Variants in CAMK1D observed in about 807,000 individuals in gnomAD.
The protein encoded by CAMK1D is calcium/calmodulin-dependent protein kinase type 1D.
In CAMK1D, 9 loss-of-function variants were observed where a neutral mutation model predicts 47.7. The observed-to-expected ratio is 0.19, with a 90% CI of 0.11 to 0.33. The LOEUF is 0.33. Among genes scored for constraint, CAMK1D ranks in the 10% least tolerant of loss-of-function variants. The pLI, the probability that CAMK1D is intolerant of heterozygous loss-of-function variation, is 1.00. For missense variants in CAMK1D, 291 were observed against 488.7 expected (o/e 0.60, Z 3.81); for synonymous variants, 184 against 184.9 (o/e 0.99, Z 0.04).
intron 1 of CAMK1D, among the ~76,000 whole-genome samples, chr10:12,437,134 CGACT>C (rs1832656400): frequency 1.9e-5 from 1 of 53,478 alleles, no homozygotes; most frequent in African/African-American, 4.4e-5. Flanking sequence ...TTAAACAGAC[CGACT>C]ATCTATCTAT....
intron 1 of CAMK1D, among the ~76,000 whole-genome samples, chr10:12,390,325 G>A (rs1416076738): frequency 1.3e-5 from 2 of 152,102 alleles, no homozygotes; most frequent in African/African-American, 4.8e-5. Context: ...TCCTGTCTCA[G>A]CTTCCTAATT....
rs530257344 is a variant in CAMK1D, at chr10:12,488,500, A to G, written c.93-64725A>G. On this transcript the variant is annotated intron_variant, in intron 1 of 10. Coordinates refer to ENST00000619168, the MANE Select transcript of CAMK1D (RefSeq NM_153498.4). ...TTGGCACCAGGGACTGGTTTCATGG[A>G]AGACAAATGTTTCCGTGGACTGGGA... Among the ~76,000 whole-genome samples, 5 of 152,260 alleles carry G rather than the reference A, an allele frequency of 3.3e-5. No homozygotes were observed. In the South Asian group the frequency reaches 1.0e-3, roughly 32 times the overall value.
intron 2 of CAMK1D, among the ~76,000 whole-genome samples, chr10:12,616,061 G>A (rs776229144): frequency 2.6e-5 from 4 of 151,264 alleles, no homozygotes; most frequent in Non-Finnish European, 5.9e-5. Flanking sequence ...GTTGGTTTAT[G>A]ATAGGCGTGT....
intron 3 of CAMK1D, among the ~76,000 whole-genome samples, chr10:12,705,396 G>A (rs1321996238): frequency 6.6e-6 from 1 of 152,100 alleles, no homozygotes; most frequent in African/African-American, 2.4e-5. Flanking sequence ...GGGGGTCAGA[G>A]GTTGCAGTGA....
At chr10:12,563,354 T>TA (rs34112268) in intron 2 of CAMK1D, among the ~76,000 whole-genome samples, 3 of 151,580 alleles carry the variant, frequency 2.0e-5, no homozygotes, top group Non-Finnish European at 3.0e-5. Context: ...ACTCTGTCTC[T>TA]AAAAAAAAAG....
intron 3 of CAMK1D, among the ~76,000 whole-genome samples, chr10:12,739,371 G>A (rs1399102414): frequency 3.3e-5 from 5 of 151,684 alleles, no homozygotes; most frequent in African/African-American, 1.2e-4. Flanking sequence ...CGCCTCTCGG[G>A]TTTAAGCAGT....
At chr10:12,782,807 G>C (rs532754011) in intron 5 of CAMK1D, among the ~76,000 whole-genome samples, 1 of 152,216 alleles carries the variant, frequency 6.6e-6, no homozygotes, top group African/African-American at 2.4e-5. Context: ...CCTTGCAGGC[G>C]TAACTCTAGG....
intron 6 of CAMK1D, among the ~76,000 whole-genome samples, chr10:12,805,587 C>T (rs1838694205): frequency 6.6e-6 from 1 of 152,086 alleles, no homozygotes; most frequent in African/African-American, 2.4e-5. Flanking sequence ...TCAGGCCGGT[C>T]TCAAACTCCT....
intron 2 of CAMK1D, among the ~76,000 whole-genome samples, chr10:12,618,266 G>C (rs1036318344): frequency 1.3e-5 from 2 of 152,024 alleles, no homozygotes; most frequent in African/African-American, 4.8e-5. Context: ...TCATTTTGTG[G>C]TGTGCATGTG....
At chr10:12,603,735 C>T (rs1392423152) in intron 2 of CAMK1D, among the ~76,000 whole-genome samples, 2 of 152,194 alleles carry the variant, frequency 1.3e-5, no homozygotes, top group African/African-American at 4.8e-5. Context: ...CTCTTTGCTT[C>T]CCTTGCTTCT....
chr10:12,598,852 C>G (rs972468275), intron 2 of CAMK1D, among the ~76,000 whole-genome samples: 1 of 152,144 alleles, frequency 6.6e-6, no homozygotes, highest in Non-Finnish European at 1.5e-5. Flanking sequence ...CTGGATATAA[C>G]AAATCTATTT....
chr10:12,771,925 T>C (rs572380339), intron 5 of CAMK1D, among the ~76,000 whole-genome samples: 1 of 152,010 alleles, frequency 6.6e-6, no homozygotes, highest in Non-Finnish European at 1.5e-5. Context: ...TCCCAGCTAC[T>C]TGGGAGGCTG....
intron 3 of CAMK1D, among the ~76,000 whole-genome samples, chr10:12,748,747 A>G (rs1318468973): frequency 2.6e-5 from 4 of 152,196 alleles, no homozygotes; most frequent in Non-Finnish European, 5.9e-5. Context: ...GATAATAAGC[A>G]AAGCAAAATT....
intron 2 of CAMK1D, 101 bp downstream of exon 2, chr10:12,553,457 GC>G: frequency 3.3e-6 from 3 of 918,216 alleles, no homozygotes; most frequent in Admixed American, 4.2e-5. Context: ...GGGCAGAGGG[GC>G]CCCCAGAGGA....
chr10:12,666,949 G>A (rs1840451354), intron 3 of CAMK1D, 139 bp downstream of exon 3: 3 of 684,002 alleles, frequency 4.4e-6, no homozygotes, highest in Non-Finnish European at 7.7e-6. Context: ...ATACTAGAGA[G>A]GCCTGTATCC....
chr10:12,828,879 A>C lies in CAMK1D; in HGVS notation c.1150A>C (p.Ser384Arg), dbSNP rs751678897. The C allele has an allele frequency of 6.2e-7, 1 of 1,610,992 alleles. No homozygotes were observed. The highest frequency in any genetic ancestry group is 2.2e-5 in the East Asian group (1 of 44,804). Residue 384 changes from serine to arginine, a missense_variant, in exon 11 of 11, where the codon AGC becomes CGC. Physicochemically the swap from Ser to Arg is moderately radical, Grantham distance 110 (BLOSUM62 -1). This residue lies in a region of CAMK1D where 72 missense variants were observed against 64.4 expected (regional missense o/e 1.12). Coordinates refer to ENST00000619168, the MANE Select transcript of CAMK1D (RefSeq NM_153498.4). ...PTTVTAVHSGSK is the reference protein window; with the variant it reads ...PTTVTAVHSGRK ...CACTGTGACGGCAGTGCACTCTGGA[A>C]GCAAGTGACTGGCCCTGGAGGTGGG...
rs1428700693 is a variant in CAMK1D, at chr10:12,766,365, T to TC, written c.439-3308_439-3307insC. On this transcript the variant is annotated intron_variant, in intron 4 of 10. Transcript: ENST00000619168. ...CCAGCCCCACGTTGCCTGTTTCTTT[T>TC]TTTTTTTTTTTTTTTGAGACGGAGT... Among the ~76,000 whole-genome samples the TC allele has an allele frequency of 1.3e-4, 18 of 143,688 alleles. No individual in the cohort carries two copies. In the East Asian group the frequency reaches 1.8e-3, roughly 14 times the overall value. The allele number at this position is 143,688 out of a possible 152,430, so 94.3% of individuals were successfully genotyped here.
intron 3 of CAMK1D, among the ~76,000 whole-genome samples, chr10:12,740,597 C>T (rs1835384884): frequency 6.7e-6 from 1 of 149,882 alleles, no homozygotes; most frequent in Admixed American, 6.6e-5. Flanking sequence ...GACTCCATCT[C>T]AAAAGAAAAA....
At chr10:12,393,511 C>A (rs991946291) in intron 1 of CAMK1D, among the ~76,000 whole-genome samples, 2 of 152,296 alleles carry the variant, frequency 1.3e-5, no homozygotes, top group Middle Eastern at 3.4e-3. Flanking sequence ...GTCCTCCTGA[C>A]CTCAGTGAGA....
Sources: allele counts gnomAD v4.1 joint callset (sites outside exome capture counted in the v4.1 genomes callset), GRCh38; gene constraint gnomAD v4.1.1; regional missense constraint gnomAD v4.1.1; transcripts MANE v1.5; gene names NCBI Gene and HGNC (gene_info 2026-07-23, HGNC 2026-07-21).